MGAT4C: variants seen among roughly 807,000 people sequenced by gnomAD.
MGAT4C encodes the protein MGAT4 family member C.
Under a neutral mutation model 40.1 loss-of-function variants are expected in MGAT4C, and 19 were observed. The observed-to-expected ratio is 0.47, with a 90% confidence interval of 0.33 to 0.70. The LOEUF is 0.70. MGAT4C is among the 30% of genes least tolerant of loss of function. The pLI is 0.02. For synonymous variants in MGAT4C, 181 were observed against 187.1 expected, an observed-to-expected ratio of 0.97 and a Z score of 0.27; for missense variants, 491 against 563.2, an observed-to-expected ratio of 0.87 and a Z score of 1.30.
At chr12:86,047,917 T>C (rs1892548392) in intron 2 of MGAT4C, among the ~76,000 whole-genome samples, 2 of 145,620 alleles carry the variant, frequency 1.4e-5, no homozygotes, top group African/African-American at 5.1e-5. Context: ...TAACATTTTA[T>C]GTGTGTGCAA....
chr12:86,059,532 G>A (rs573797973), intron 1 of MGAT4C, among the ~76,000 whole-genome samples: 7 of 152,136 alleles, frequency 4.6e-5, no homozygotes, highest in Admixed American at 1.3e-4. Flanking sequence ...TGTCTTCTGC[G>A]TTCTCTGTGA....
At chr12:86,214,636 C>T (rs1950599574) in intron 1 of MGAT4C, among the ~76,000 whole-genome samples, 1 of 152,178 alleles carries the variant, frequency 6.6e-6, no homozygotes, top group Non-Finnish European at 1.5e-5. Flanking sequence ...AAGAGAGATC[C>T]TTTCTATTCT....
intron 3 of MGAT4C, among the ~76,000 whole-genome samples, chr12:86,428,655 T>C (rs1956976884): frequency 6.6e-6 from 1 of 152,244 alleles, no homozygotes; most frequent in African/African-American, 2.4e-5. Context: ...CCCTTGTTAA[T>C]AGTTTGTTCA....
At chr12:86,613,758 T>C (rs1046495980) in intron 2 of MGAT4C, among the ~76,000 whole-genome samples, 26 of 152,252 alleles carry the variant, frequency 1.7e-4, no homozygotes, top group African/African-American at 6.3e-4. Context: ...AGGTTCAATA[T>C]ATACCATACA....
intron 3 of MGAT4C, among the ~76,000 whole-genome samples, chr12:86,359,883 C>T (rs148614413): frequency 2.0e-5 from 3 of 152,230 alleles, no homozygotes; most frequent in African/African-American, 7.2e-5. Flanking sequence ...GGATTCACAG[C>T]CAAATTCTAC....
At chr12:86,267,243 T>A (rs1466603575) in intron 4 of MGAT4C, among the ~76,000 whole-genome samples, 1 of 152,196 alleles carries the variant, frequency 6.6e-6, no homozygotes, top group Non-Finnish European at 1.5e-5. Flanking sequence ...GCTATAAAGT[T>A]CTCTCTTAGC....
intron 2 of MGAT4C, among the ~76,000 whole-genome samples, chr12:86,549,920 T>C (rs1478877692): frequency 4.6e-5 from 7 of 151,950 alleles, no homozygotes; most frequent in African/African-American, 1.7e-4. Flanking sequence ...ACTGATAGGA[T>C]TTGGTTCTGT....
At chr12:86,366,232 C>T (rs1042255741) in intron 3 of MGAT4C, among the ~76,000 whole-genome samples, 2 of 152,086 alleles carry the variant, frequency 1.3e-5, no homozygotes, top group South Asian at 4.1e-4. Context: ...TGATTTTGTA[C>T]ATTGATTTTG....
chr12:86,498,727 G>A (rs943715208), intron 2 of MGAT4C, among the ~76,000 whole-genome samples: 1 of 151,940 alleles, frequency 6.6e-6, no homozygotes, highest in South Asian at 2.1e-4. Context: ...GCCTGGTGAT[G>A]CTAATTATCT....
At chr12:86,313,347 TGCAGACACAAATTTAACTTGTA>T (rs1954124987) in intron 4 of MGAT4C, among the ~76,000 whole-genome samples, 2 of 152,190 alleles carry the variant, frequency 1.3e-5, no homozygotes, top group South Asian at 2.1e-4. Context: ...AAACAATTTT[TGCAGACACAAATTTAACTTGTA>T]TTAAAATTTT....
chr12:86,023,644 T>C (rs1183319533), intron 2 of MGAT4C, among the ~76,000 whole-genome samples: 8 of 149,424 alleles, frequency 5.4e-5, no homozygotes, highest in Admixed American at 4.7e-4. Context: ...TTTATTATTA[T>C]ATAAATATAA....
chr12:86,765,530 C>T (rs974422342), intron 1 of MGAT4C, among the ~76,000 whole-genome samples: 3 of 151,918 alleles, frequency 2.0e-5, no homozygotes, highest in Non-Finnish European at 4.4e-5. Flanking sequence ...ACAAAGATAC[C>T]CCTTGAGAAG....
intron 1 of MGAT4C, among the ~76,000 whole-genome samples, chr12:86,071,660 G>T (rs201759910): frequency 6.6e-6 from 1 of 151,968 alleles, no homozygotes; most frequent in Non-Finnish European, 1.5e-5. Context: ...CTTACTATGC[G>T]TCATAGCTTT....
At chr12:86,282,729 T>C (rs1185089650) in intron 4 of MGAT4C, among the ~76,000 whole-genome samples, 1 of 152,114 alleles carries the variant, frequency 6.6e-6, no homozygotes, top group Admixed American at 6.6e-5. Flanking sequence ...ACCTTGATTA[T>C]TTCCAGTCCT....
At chr12:86,196,479 C>A (rs1230064019) in intron 1 of MGAT4C, among the ~76,000 whole-genome samples, 1 of 152,194 alleles carries the variant, frequency 6.6e-6, no homozygotes, top group African/African-American at 2.4e-5. Flanking sequence ...TCCTCTGAGA[C>A]CAAAGAGAAA....
At chr12:86,532,118 A>C (rs528144428) in intron 2 of MGAT4C, among the ~76,000 whole-genome samples, 46 of 151,996 alleles carry the variant, frequency 3.0e-4, no homozygotes, top group Non-Finnish European at 5.2e-4. Flanking sequence ...AAATTAAGTG[A>C]CTGAAATTCC....
intron 1 of MGAT4C, among the ~76,000 whole-genome samples, chr12:86,099,886 T>A (rs1232378772): frequency 6.6e-6 from 1 of 151,438 alleles, no homozygotes; most frequent in African/African-American, 2.4e-5. Context: ...GTTTTAGATG[T>A]GTTCTTAATC....
chr12:86,523,822 C>T (rs929580624), intron 2 of MGAT4C, among the ~76,000 whole-genome samples: 9 of 152,052 alleles, frequency 5.9e-5, no homozygotes, highest in Non-Finnish European at 1.2e-4. Flanking sequence ...TAGAATTTAA[C>T]CCTTTATCAT....
chr12:86,627,072 A>T (rs1373082382), intron 2 of MGAT4C, among the ~76,000 whole-genome samples: 6 of 152,194 alleles, frequency 3.9e-5, no homozygotes, highest in African/African-American at 1.4e-4. Flanking sequence ...ATTATATCCC[A>T]TGCATGGCTC....
Sources: gnomAD v4.1 joint callset for allele counts (sites outside exome capture counted in the v4.1 genomes callset) on GRCh38, gnomAD v4.1.1 for gene constraint, MANE v1.5 for transcripts, NCBI Gene and HGNC (gene_info 2026-07-23, HGNC 2026-07-21) for gene names.